The following DCC variants were observed in gnomAD, a reference collection of about 807,000 sequenced individuals.
DCC encodes DCC netrin 1 receptor.
In DCC, 58 loss-of-function variants were observed where a neutral mutation model predicts 172.5. The observed-to-expected ratio is 0.34, with a 90% confidence interval of 0.27 to 0.42. DCC has a LOEUF of 0.42. DCC is among the 10% of genes least tolerant of loss of function. The probability of loss-of-function intolerance (pLI) is 1.00; values close to 1 mark genes in which losing one functional copy is unlikely to be tolerated. For missense variants in DCC, 1,740 were observed against 1,791.0 expected (o/e 0.97, Z 0.51); for synonymous variants, 709 against 644.5 (o/e 1.10, Z -1.52).
chr18:53,435,405 TG>T (rs1911878501), intron 22 of DCC, among the ~76,000 whole-genome samples, 196 bp downstream of exon 22: 1 of 152,096 alleles, frequency 6.6e-6, no homozygotes, highest in Admixed American at 6.6e-5. Flanking sequence ...TAGCACATTC[TG>T]CCAGGAGATG....
intron 8 of DCC, among the ~76,000 whole-genome samples, chr18:53,160,996 C>T (rs1166190621): frequency 6.6e-6 from 1 of 152,212 alleles, no homozygotes; most frequent in Non-Finnish European, 1.5e-5. Context: ...TTCTTTCTCT[C>T]TTCTGTGCCA....
At chr18:53,496,974 C>T (rs146865801) in intron 26 of DCC, among the ~76,000 whole-genome samples, 119 of 152,198 alleles carry the variant, frequency 7.8e-4, no homozygotes, top group African/African-American at 2.7e-3. Context: ...ACATATTGTC[C>T]CTTTAATGGC....
At chr18:52,749,123 C>T (rs1171126874) in intron 1 of DCC, among the ~76,000 whole-genome samples, 4 of 152,030 alleles carry the variant, frequency 2.6e-5, no homozygotes, top group South Asian at 2.1e-4. Context: ...TCACCTGAGG[C>T]GGAGGTTGCA....
intron 27 of DCC, among the ~76,000 whole-genome samples, chr18:53,506,714 C>T (rs372922253): frequency 4.6e-5 from 7 of 151,914 alleles, no homozygotes; most frequent in African/African-American, 1.5e-4. Flanking sequence ...AAAAATTAGC[C>T]GGGCATGGTG....
chr18:53,152,518 A>G (rs1395822621), intron 7 of DCC, among the ~76,000 whole-genome samples: 1 of 152,172 alleles, frequency 6.6e-6, no homozygotes, highest in Non-Finnish European at 1.5e-5. Context: ...TTCGTTATCT[A>G]TAAAAATTAT....
intron 1 of DCC, among the ~76,000 whole-genome samples, chr18:52,546,901 G>A (rs1454187091): frequency 2.6e-5 from 4 of 152,020 alleles, no homozygotes; most frequent in Admixed American, 6.6e-5. Flanking sequence ...AATTGTGCAC[G>A]ATGGATCCAA....
intron 1 of DCC, among the ~76,000 whole-genome samples, chr18:52,637,916 AG>A (rs1317614875): frequency 6.6e-6 from 1 of 152,228 alleles, no homozygotes. Flanking sequence ...GCTGTGAGAC[AG>A]AAGCACCAGG....
intron 14 of DCC, among the ~76,000 whole-genome samples, chr18:53,336,083 T>C (rs1248417371): frequency 6.6e-6 from 1 of 152,162 alleles, no homozygotes; most frequent in East Asian, 1.9e-4. Context: ...GCTTCATTAA[T>C]TTAAATATTT....
rs1156696047 is a variant in DCC at position 52,511,286 on chromosome 18, A to C, written c.91+170408A>C. Among the ~76,000 whole-genome samples, 3 of 151,490 alleles carry C rather than the reference A, an allele frequency of 2.0e-5. No homozygotes were observed. The East Asian group carries it at 5.8e-4, about 29-fold the overall frequency. On this transcript the variant is annotated intron_variant, in intron 1 of 28. Transcript: ENST00000442544. ...ACAGGGCAAGACTCTGTCTCAAAAA[A>C]AAAAAAAAAAAAGAAAGAAAGAAAA...
chr18:53,394,027 CTT>C (rs1488586386), intron 17 of DCC, among the ~76,000 whole-genome samples: 8 of 151,814 alleles, frequency 5.3e-5, no homozygotes, highest in Non-Finnish European at 1.2e-4. Flanking sequence ...GTGATAGACT[CTT>C]TGAGTTTTCA....
intron 3 of DCC, among the ~76,000 whole-genome samples, chr18:52,910,218 A>T (rs531644847): frequency 6.6e-6 from 1 of 152,230 alleles, no homozygotes; most frequent in Admixed American, 6.5e-5. Flanking sequence ...GGGTGAAGGG[A>T]TGGAATCCAG....
intron 5 of DCC, among the ~76,000 whole-genome samples, chr18:53,061,521 A>G (rs1040214342): frequency 6.6e-5 from 10 of 152,062 alleles, no homozygotes; most frequent in African/African-American, 2.4e-4. Flanking sequence ...GTACCAGGAA[A>G]GAAGAACTTA....
At chr18:53,349,212 T>G (rs1370828607) in intron 15 of DCC, among the ~76,000 whole-genome samples, 1 of 152,180 alleles carries the variant, frequency 6.6e-6, no homozygotes, top group East Asian at 1.9e-4. Context: ...TCCACAGATC[T>G]CTAGGGCAGG....
chr18:52,953,915 T>A (rs780805430), intron 5 of DCC, among the ~76,000 whole-genome samples: 17 of 152,236 alleles, frequency 1.1e-4, no homozygotes, highest in Admixed American at 6.5e-4. Context: ...CGGAGTTTCA[T>A]GAGTGTTGGA....
intron 11 of DCC, among the ~76,000 whole-genome samples, chr18:53,208,601 G>C (rs1040230700): frequency 2.6e-5 from 4 of 152,110 alleles, no homozygotes; most frequent in African/African-American, 9.7e-5. Flanking sequence ...TATTAAAATT[G>C]AGCATGAAAA....
chr18:52,917,352 T>C (rs1226053613), intron 3 of DCC, among the ~76,000 whole-genome samples: 2 of 152,040 alleles, frequency 1.3e-5, no homozygotes, highest in East Asian at 1.9e-4. Flanking sequence ...TGAACAAATA[T>C]TTTAAAAATC....
chr18:53,385,073 G>T (rs575776833), intron 15 of DCC, among the ~76,000 whole-genome samples: 2 of 147,524 alleles, frequency 1.4e-5, no homozygotes, highest in East Asian at 2.0e-4. Context: ...CACCGTGTTA[G>T]CCAGGATGCT....
intron 1 of DCC, among the ~76,000 whole-genome samples, chr18:52,439,839 C>A (rs1319440969): frequency 1.3e-5 from 2 of 152,056 alleles, no homozygotes; most frequent in Non-Finnish European, 2.9e-5. Context: ...GCATTGCATG[C>A]CTGTATCAAA....
At chr18:52,404,918 T>A (rs1986583385) in intron 1 of DCC, among the ~76,000 whole-genome samples, 2 of 150,796 alleles carry the variant, frequency 1.3e-5, no homozygotes, top group South Asian at 2.1e-4. Context: ...CGGTGTTTGG[T>A]TTTTTGTTCT....
Sources: allele counts gnomAD v4.1 joint callset (sites outside exome capture counted in the v4.1 genomes callset), GRCh38; gene constraint gnomAD v4.1.1; transcripts MANE v1.5; gene names NCBI Gene and HGNC (gene_info 2026-07-23, HGNC 2026-07-21).